Variants in IL2RB observed in about 807,000 individuals in gnomAD.
The protein encoded by IL2RB is interleukin-2 receptor subunit beta.
A neutral mutation model predicts 44.2 loss-of-function variants in IL2RB; 17 were observed. That is an observed-to-expected ratio of 0.38 (90% confidence interval 0.26 to 0.58). The LOEUF (loss-of-function observed/expected upper bound fraction) is 0.58, where lower values mean the gene tolerates loss of function less well. IL2RB is among the 20% of genes least tolerant of loss of function. The probability of loss-of-function intolerance (pLI) is 0.63; values close to 1 mark genes in which losing one functional copy is unlikely to be tolerated. For synonymous variants in IL2RB, 286 were observed against 297.9 expected, an observed-to-expected ratio of 0.96 and a Z score of 0.41; for missense variants, 624 against 685.5, an observed-to-expected ratio of 0.91 and a Z score of 1.00.
intron 1 of IL2RB, among the ~76,000 whole-genome samples, chr22:37,163,071 G>A (rs961099929): frequency 2.0e-5 from 3 of 152,182 alleles, no homozygotes; most frequent in Admixed American, 1.3e-4. Flanking sequence ...CACTAGGGTC[G>A]CTCCCTGCAG....
chr22:37,139,079 C>T, intron 5 of IL2RB, 38 bp downstream of exon 5: 1 of 1,366,798 alleles, frequency 7.3e-7, no homozygotes, highest in Non-Finnish European at 1.0e-6. Context: ...AGGAGGTGCC[C>T]AGCCCTGCCC....
At chr22:37,137,786 C>T (rs1248885231) in intron 5 of IL2RB, 51 bp from the exon 6 acceptor site, 3 of 1,510,450 alleles carry the variant, frequency 2.0e-6, no homozygotes, top group African/African-American at 1.4e-5. Flanking sequence ...CCTCCACCTC[C>T]CACTTTGTAC....
upstream of IL2RB, among the ~76,000 whole-genome samples, chr22:37,150,279 C>T (rs996544550): frequency 2.6e-5 from 4 of 152,126 alleles, no homozygotes; most frequent in Non-Finnish European, 5.9e-5. Context: ...CACATACCCA[C>T]TAATACGTAG....
rs1483685225 is a variant in IL2RB at position 37,135,408 on chromosome 22, G to A, written c.738C>T (p.His246=). ...LGKDTIPWLG[H]LLVGLSGAFG... ...AAGCCCCGCTGAGGCCCACGAGGAGGTGGCCGAGCCACGGAATGGTGTCCT... is the reference window on the plus strand; with the variant it reads ...AAGCCCCGCTGAGGCCCACGAGGAGATGGCCGAGCCACGGAATGGTGTCCT... The change falls in exon 8 of 10, where the codon CAC becomes CAT. Residue 246 remains histidine, a synonymous_variant. Coordinates refer to ENST00000216223, the MANE Select transcript of IL2RB (RefSeq NM_000878.5). 1 of 1,613,810 alleles carries A rather than the reference G, an allele frequency of 6.2e-7. No homozygotes were observed. Among genetic ancestry groups the A allele is most frequent in the Non-Finnish European group, 8.5e-7 (1 of 1,179,758 alleles).
chr22:37,143,561 G>T lies in IL2RB; in HGVS notation c.163C>A (p.Gln55Lys), dbSNP rs538933768. ...SCVWSQDGAL[Q>K]DTSCQVHAWP... ...GCATGGACTTGGCAGGAAGTGTCCTGCAGAGCCCCATCTTGGCTCCAGACA... is the reference window on the plus strand; with the variant it reads ...GCATGGACTTGGCAGGAAGTGTCCTTCAGAGCCCCATCTTGGCTCCAGACA... The change falls in exon 3 of 10, where the codon CAG (glutamine) becomes AAG (lysine). Residue 55 changes from glutamine to lysine, a missense_variant. Around this residue, in one of 3 missense-constraint regions of IL2RB, gnomAD observed 78 missense variants for 70.0 expected, o/e 1.11. Transcript: ENST00000216223. The T allele has an allele frequency of 4.1e-5, 66 of 1,614,042 alleles. No homozygotes were observed. In the East Asian group the frequency reaches 1.3e-3, roughly 32 times the overall value.
intron 1 of IL2RB, among the ~76,000 whole-genome samples, chr22:37,165,692 A>AT (rs1456862320): frequency 2.0e-5 from 3 of 148,350 alleles, no homozygotes; most frequent in East Asian, 2.0e-4. Flanking sequence ...ATTTAATTTA[A>AT]TTTAATTTAA....
chr22:37,168,232 C>CAGAA (rs1367494830), intron 1 of IL2RB, among the ~76,000 whole-genome samples: 1 of 152,140 alleles, frequency 6.6e-6, no homozygotes, highest in Non-Finnish European at 1.5e-5. Context: ...AGTAACAAGA[C>CAGAA]AGAAAAAATA....
chr22:37,157,263 G>T (rs994390304), intron 1 of IL2RB, among the ~76,000 whole-genome samples: 1 of 152,078 alleles, frequency 6.6e-6, no homozygotes, highest in Non-Finnish European at 1.5e-5. Flanking sequence ...CACTGGAGGC[G>T]CCCCACCCAC....
chr22:37,131,739 C>CTT (rs1371692544), intron 9 of IL2RB, among the ~76,000 whole-genome samples: 5 of 143,296 alleles, frequency 3.5e-5, no homozygotes, highest in Non-Finnish European at 6.2e-5. Context: ...AGATAGGGTA[C>CTT]TTTTTTTTTT....
At chr22:37,147,776 C>T (rs1470890378) in intron 1 of IL2RB, among the ~76,000 whole-genome samples, 1 of 152,236 alleles carries the variant, frequency 6.6e-6, no homozygotes, top group African/African-American at 2.4e-5. Context: ...TTTGCCTGGC[C>T]TACCGTCTCC....
intron 1 of IL2RB, among the ~76,000 whole-genome samples, chr22:37,172,516 G>A (rs1047126511): frequency 6.6e-6 from 1 of 152,182 alleles, no homozygotes; most frequent in Non-Finnish European, 1.5e-5. Context: ...TGGGGTAAGG[G>A]GCTGAGGTTT....
chr22:37,157,649 G>A (rs1027805088), intron 1 of IL2RB, among the ~76,000 whole-genome samples: 8 of 152,168 alleles, frequency 5.3e-5, no homozygotes, highest in Admixed American at 5.2e-4. Context: ...AGACTAATCA[G>A]CTCCCCGATT....
intron 1 of IL2RB, among the ~76,000 whole-genome samples, chr22:37,156,965 C>T (rs966821879): frequency 1.3e-5 from 2 of 152,124 alleles, no homozygotes; most frequent in East Asian, 1.9e-4. Flanking sequence ...AGCAGGTAGC[C>T]GAGTCCCCAG....
chr22:37,130,293 C>T (rs1569040603), intron 9 of IL2RB, among the ~76,000 whole-genome samples: 1 of 152,234 alleles, frequency 6.6e-6, no homozygotes, highest in Non-Finnish European at 1.5e-5. Context: ...GCGGCCAGGC[C>T]TGTGGCCAGT....
At chr22:37,163,442 T>TG (rs1056254934) in intron 1 of IL2RB, among the ~76,000 whole-genome samples, 247 of 151,878 alleles carry the variant, frequency 1.6e-3, no homozygotes, top group African/African-American at 5.6e-3. Context: ...CAAAGAGAAA[T>TG]GGGGGGGCCG....
chr22:37,174,720 T>C (rs898072570), intron 1 of IL2RB, among the ~76,000 whole-genome samples: 1 of 152,204 alleles, frequency 6.6e-6, no homozygotes, highest in Non-Finnish European at 1.5e-5. Context: ...CAATCTTTTC[T>C]CTTTTGCAAA....
At chr22:37,135,514 C>G in intron 7 of IL2RB, 72 bp from the exon 8 acceptor site, 1 of 890,484 alleles carries the variant, frequency 1.1e-6, no homozygotes, top group Non-Finnish European at 1.8e-6. Flanking sequence ...GGTCGGTCAC[C>G]CCAACACCCC....
chr22:37,148,747 A>G (rs1922346755), intron 1 of IL2RB, among the ~76,000 whole-genome samples: 1 of 152,116 alleles, frequency 6.6e-6, no homozygotes. Context: ...GGAGACTAAG[A>G]AACGGGTCAA....
chr22:37,160,764 C>T (rs562052997), intron 1 of IL2RB, among the ~76,000 whole-genome samples: 1 of 149,256 alleles, frequency 6.7e-6, no homozygotes, highest in Non-Finnish European at 1.5e-5. Context: ...GTGGGAGGAT[C>T]GCTTGAGCCT....
Sources: gnomAD v4.1 joint callset for allele counts (sites outside exome capture counted in the v4.1 genomes callset) on GRCh38, gnomAD v4.1.1 for gene constraint, gnomAD v4.1.1 regional missense constraint, MANE v1.5 for transcripts, NCBI Gene and HGNC (gene_info 2026-07-23, HGNC 2026-07-21) for gene names.